The following ZNF555 variants were observed in gnomAD, a reference collection of about 807,000 sequenced individuals.
ZNF555 encodes the protein zinc finger protein 555.
A neutral mutation model predicts 14.0 loss-of-function variants in ZNF555; 10 were observed. The ratio of observed to expected loss-of-function variants is 0.72; its 90% CI spans 0.44 to 1.21. The LOEUF is 1.21. Ranked by LOEUF, ZNF555 falls within the 50% of genes most tolerant of loss-of-function variation. ZNF555 has a pLI of 0.00. For missense variants in ZNF555, 747 were observed against 762.0 expected (o/e 0.98, Z 0.23); for synonymous variants, 277 against 262.4 (o/e 1.06, Z -0.54).
Position 2,855,131 on chromosome 19 carries a change from A to G in ZNF555, c.*1179A>G, listed in dbSNP as rs1282050575. On this transcript the variant is annotated 3_prime_UTR_variant, in exon 4 of 4. Transcript: ENST00000334241. Reference sequence around the variant, plus strand: ...CTATGTGAGAACAAATACCTTCCTCATATATTAGATTTAGGGAGATTTCTG... The same window carrying G: ...CTATGTGAGAACAAATACCTTCCTCGTATATTAGATTTAGGGAGATTTCTG... 1 of 152,128 alleles carries G rather than the reference A, an allele frequency of 6.6e-6. No homozygotes were observed. Among genetic ancestry groups the G allele is most frequent in the Non-Finnish European group, 1.5e-5 (1 of 68,032 alleles). The allele number at this position is 152,128 out of a possible 1,614,324, so 9.4% of individuals were successfully genotyped here.
chr19:2,848,444 A>G (rs866939068), intron 1 of ZNF555, among the ~76,000 whole-genome samples: 33 of 150,202 alleles, frequency 2.2e-4, no homozygotes, highest in Admixed American at 5.3e-4. Context: ...GAGCCACCGC[A>G]CCCAGCCACC....
In ZNF555 at chr19:2,853,320, A is replaced by G. The variant is rs1186706400; in HGVS notation, c.1255A>G (p.Thr419Ala). Reference protein sequence around the residue: ...SSFRGHMRVHTGEKPYECKQC... With the variant: ...SSFRGHMRVHAGEKPYECKQC... ...CTTTCGAGGACACATGAGGGTGCAC[A>G]CTGGAGAGAAACCCTATGAGTGCAA... is the stretch of plus-strand genomic sequence containing the variant. The change falls in exon 4 of 4, where the codon ACT becomes GCT. Residue 419 changes from threonine to alanine, a missense_variant. Coordinates refer to ENST00000334241, the MANE Select transcript of ZNF555 (RefSeq NM_152791.5). The G allele has an allele frequency of 3.7e-6, 6 of 1,614,228 alleles. No individual in the cohort carries two copies. Among genetic ancestry groups the G allele is most frequent in the Non-Finnish European group, 5.1e-6 (6 of 1,180,032 alleles).
At chr19:2,851,436 T>C in intron 2 of ZNF555, 32 bp from the exon 3 acceptor site, 1 of 1,536,358 alleles carries the variant, frequency 6.5e-7, no homozygotes, top group Non-Finnish European at 8.7e-7. Flanking sequence ...ACAAGTGCCT[T>C]CTTATATGAT....
In ZNF555 at chr19:2,851,654, G is replaced by A. The variant is rs59246242; in HGVS notation, c.314+3G>A. The A allele has an allele frequency of 2.8e-4, 434 of 1,564,078 alleles. 3 individuals are homozygous for A. The African/African-American group carries it at 5.4e-3, about 19-fold the overall frequency. ...ACAAACCAGGGGAGAAATCTCAGGT[G>A]AGTTGCACTCACAAGAGAACATAGT... On this transcript the variant is annotated splice_donor_region_variant and intron_variant, in intron 3 of 3. Transcript: ENST00000334241.
rs2087686510 is a variant in ZNF555 at position 2,856,762 on chromosome 19, T to G, written c.*2810T>G. ...AAGGAAGCCAGGCTTTGGTCTGGAT[T>G]GGATGTTCTCAGGTCATGAATATAA... On this transcript the variant is annotated 3_prime_UTR_variant, in exon 4 of 4. Coordinates refer to ENST00000334241, the MANE Select transcript of ZNF555 (RefSeq NM_152791.5). The G allele has an allele frequency of 6.6e-6, 1 of 152,212 alleles. No individual in the cohort carries two copies. The highest frequency in any genetic ancestry group is 2.4e-5 in the African/African-American group (1 of 41,456). 9.4% of individuals were successfully genotyped at this position (152,212 alleles called of 1,614,324 possible). A position where few individuals can be genotyped will look rare whatever the true frequency, so the allele number is the denominator to read the frequency against.
chr19:2,858,599 G>C lies in ZNF555; in HGVS notation c.*4647G>C, dbSNP rs200887116. The C allele has an allele frequency of 1.3e-5, 2 of 152,256 alleles. No homozygotes were observed. Among genetic ancestry groups the C allele is most frequent in the East Asian group, 1.9e-4 (1 of 5,196 alleles). 9.4% of individuals were successfully genotyped at this position (152,256 alleles called of 1,614,324 possible). A position where few individuals can be genotyped will look rare whatever the true frequency, so the allele number is the denominator to read the frequency against. Reference sequence around the variant, plus strand: ...AAGCTCAGCTCTGTGTCTTCATGCTGGGAAACGTCTTTATGGATCCCCAAA... The same window carrying C: ...AAGCTCAGCTCTGTGTCTTCATGCTCGGAAACGTCTTTATGGATCCCCAAA... On this transcript the variant is annotated 3_prime_UTR_variant, in exon 4 of 4. Coordinates refer to ENST00000334241, the MANE Select transcript of ZNF555 (RefSeq NM_152791.5).
chr19:2,857,573 T>C lies in ZNF555; in HGVS notation c.*3621T>C, dbSNP rs1164533004. On this transcript the variant is annotated 3_prime_UTR_variant, in exon 4 of 4. Transcript: ENST00000334241. The stretch of plus-strand genomic sequence containing the variant: ...TGGGCTTAAGAGTGTTCTGTCATGA[T>C]TGTAGTGGTGAAAACAAGCATTTGC... The C allele has an allele frequency of 6.6e-6, 1 of 152,118 alleles. No homozygotes were observed. Among genetic ancestry groups the C allele is most frequent in the East Asian group, 1.9e-4 (1 of 5,190 alleles). The allele number at this position is 152,118 out of a possible 1,614,324, so 9.4% of individuals were successfully genotyped here. A position where few individuals can be genotyped will look rare whatever the true frequency, so the allele number is the denominator to read the frequency against.
At position 2,853,409 on chromosome 19, in the gene ZNF555, A is replaced by G. The variant is rs2087653968; in HGVS notation, c.1344A>G (p.Arg448=). ...GAAAACATATGAGAACACATACTAG[A>G]GAGAAACCCTATGAATGTAAGCAGT... The part of the protein sequence containing the change: ...SLRKHMRTHT[R]EKPYECKQCG... Residue 448 remains arginine, a synonymous_variant, in exon 4 of 4, where the codon AGA becomes AGG. Coordinates refer to ENST00000334241, the MANE Select transcript of ZNF555 (RefSeq NM_152791.5). 1 of 1,614,000 alleles carries G rather than the reference A, an allele frequency of 6.2e-7. No homozygotes were observed. Among genetic ancestry groups the G allele is most frequent in the African/African-American group, 1.3e-5 (1 of 74,924 alleles).
chr19:2,854,349 T>C lies in ZNF555; in HGVS notation c.*397T>C. On this transcript the variant is annotated 3_prime_UTR_variant, in exon 4 of 4. Coordinates refer to ENST00000334241, the MANE Select transcript of ZNF555 (RefSeq NM_152791.5). ...TAATTATGCAAAGTTGTTTAAGGAG[T>C]ATAGCCTCAAATGAATTGTAATTTT... 1 of 192,436 alleles carries C rather than the reference T, an allele frequency of 5.2e-6. No homozygotes were observed. Among genetic ancestry groups the C allele is most frequent in the South Asian group, 8.9e-5 (1 of 11,180 alleles). The allele number at this position is 192,436 out of a possible 1,614,324, so 11.9% of individuals were successfully genotyped here. A position where few individuals can be genotyped will look rare whatever the true frequency, so the allele number is the denominator to read the frequency against.
chr19:2,842,984 G>C lies in ZNF555; in HGVS notation c.3+1409G>C, dbSNP rs912895295. ...CTTGAACGCAGAAGGCGGAGGTTGC[G>C]GTGAGCTGAGAACGCGCCATTGCAC... On this transcript the variant is annotated intron_variant, in intron 1 of 3. Transcript: ENST00000334241. 4.6e-5 allele frequency among the ~76,000 whole-genome samples: 7 copies of C among 151,742 alleles called. No individual in the cohort carries two copies. The East Asian group carries it at 1.4e-3, about 29-fold the overall frequency.
At position 2,856,855 on chromosome 19, in the gene ZNF555, A is replaced by G. The variant is rs1452689211; in HGVS notation, c.*2903A>G. The G allele has an allele frequency of 6.6e-6, 1 of 152,248 alleles. No individual in the cohort carries two copies. The highest frequency in any genetic ancestry group is 2.4e-5 in the African/African-American group (1 of 41,454). The allele number at this position is 152,248 out of a possible 1,614,324, so 9.4% of individuals were successfully genotyped here. On this transcript the variant is annotated 3_prime_UTR_variant, in exon 4 of 4. Coordinates refer to ENST00000334241, the MANE Select transcript of ZNF555 (RefSeq NM_152791.5). ...TAATTGGAGCTGAAAACTAATCAGT[A>G]AAGCCACAGCAGCCAGTCATATGGG...
Position 2,854,196 on chromosome 19 carries a change from GACTT to G in ZNF555, c.*246_*249del. The G allele has an allele frequency of 2.0e-6, 1 of 493,280 alleles. No homozygotes were observed. The highest frequency in any genetic ancestry group is 2.4e-5 in the South Asian group (1 of 41,186). The allele number at this position is 493,280 out of a possible 1,614,324, so 30.6% of individuals were successfully genotyped here. A position where few individuals can be genotyped will look rare whatever the true frequency, so the allele number is the denominator to read the frequency against. On this transcript the variant is annotated 3_prime_UTR_variant, in exon 4 of 4. Coordinates refer to ENST00000334241, the MANE Select transcript of ZNF555 (RefSeq NM_152791.5). ...TTATTTAATTTCTTAAATTGTAACTGACTTAGTGTGACAGGTATTGGATATTACG... is the reference window on the plus strand; with the variant it reads ...TTATTTAATTTCTTAAATTGTAACTGAGTGTGACAGGTATTGGATATTACG...
chr19:2,841,481 G>C lies in ZNF555; in HGVS notation c.-92G>C, dbSNP rs1327260281. ...CCTGGGACGGGACGCCTCTGTCCTA[G>C]CCGTGAGTGCCCCGCCTGCCCCTAG... On this transcript the variant is annotated 5_prime_UTR_variant, in exon 1 of 4. Transcript: ENST00000334241. 2 of 1,535,054 alleles carry C rather than the reference G, an allele frequency of 1.3e-6. No individual in the cohort carries two copies. Among genetic ancestry groups the C allele is most frequent in the South Asian group, 1.2e-5 (1 of 83,660 alleles).
intron 1 of ZNF555, among the ~76,000 whole-genome samples, chr19:2,842,096 C>T (rs1355777403): frequency 6.6e-6 from 1 of 152,076 alleles, no homozygotes; most frequent in Non-Finnish European, 1.5e-5. Context: ...TTGGAGGCCC[C>T]GCGCCTCCGG....
intron 1 of ZNF555, among the ~76,000 whole-genome samples, chr19:2,846,395 G>A (rs1309534681): frequency 6.6e-6 from 1 of 152,206 alleles, no homozygotes; most frequent in East Asian, 1.9e-4. Context: ...TTCCATCCAA[G>A]GTCAAGCCAG....
intron 1 of ZNF555, among the ~76,000 whole-genome samples, chr19:2,847,618 T>C (rs1379921790): frequency 1.3e-5 from 2 of 152,132 alleles, no homozygotes; most frequent in Non-Finnish European, 2.9e-5. Context: ...TTAGCTGAAC[T>C]GATGCTAATA....
intron 1 of ZNF555, among the ~76,000 whole-genome samples, chr19:2,842,200 G>T (rs370582728): frequency 6.6e-6 from 1 of 152,306 alleles, no homozygotes; most frequent in South Asian, 2.1e-4. Flanking sequence ...TGCAAAGGCA[G>T]CCCCTGGGGC....
intron 1 of ZNF555, among the ~76,000 whole-genome samples, chr19:2,844,427 C>G (rs1313894255): frequency 6.6e-6 from 1 of 151,352 alleles, no homozygotes; most frequent in Admixed American, 6.6e-5. Flanking sequence ...CTAGCAGATA[C>G]AGGGTTTTGC....
intron 1 of ZNF555, among the ~76,000 whole-genome samples, chr19:2,843,218 C>T (rs2087553532): frequency 6.6e-6 from 1 of 152,162 alleles, no homozygotes; most frequent in African/African-American, 2.4e-5. Flanking sequence ...TGCTGGAGTG[C>T]ACTGGTGCGA....
Sources: allele counts gnomAD v4.1 joint callset (sites outside exome capture counted in the v4.1 genomes callset), GRCh38; gene constraint gnomAD v4.1.1; transcripts MANE v1.5; gene names NCBI Gene and HGNC (gene_info 2026-07-23, HGNC 2026-07-21).